The following RUBCN variants were observed in gnomAD, a reference collection of about 807,000 sequenced individuals.
RUBCN encodes run domain Beclin-1-interacting and cysteine-rich domain-containing protein.
Under a neutral mutation model 113.2 loss-of-function variants are expected in RUBCN, and 74 were observed. The observed-to-expected ratio is 0.65, with a 90% CI of 0.54 to 0.79. The LOEUF (loss-of-function observed/expected upper bound fraction) is 0.79, where lower values mean the gene tolerates loss of function less well. Among genes scored for constraint, RUBCN ranks in the 30% least tolerant of loss-of-function variants. The pLI, the probability that RUBCN is intolerant of heterozygous loss-of-function variation, is 0.00. For missense variants in RUBCN, 1,109 were observed against 1,251.7 expected, an observed-to-expected ratio of 0.89 and a Z score of 1.72; for synonymous variants, 480 against 490.0, an observed-to-expected ratio of 0.98 and a Z score of 0.27.
In RUBCN at chr3:197,671,840, A is replaced by C. The variant is rs1719820667; in HGVS notation, c.*3178T>G. 1 of 152,230 alleles carries C rather than the reference A, an allele frequency of 6.6e-6. No individual in the cohort carries two copies. The highest frequency in any genetic ancestry group is 2.1e-4 in the South Asian group (1 of 4,830). 9.4% of individuals were successfully genotyped at this position (152,230 alleles called of 1,614,324 possible). A position where few individuals can be genotyped will look rare whatever the true frequency, so the allele number is the denominator to read the frequency against. Reference sequence around the variant, plus strand: ...GTGGTTCGCTCGAGGTCTCATGGCAAGTTAGAGACACAGCCACTCCACCTC... The same window carrying C: ...GTGGTTCGCTCGAGGTCTCATGGCACGTTAGAGACACAGCCACTCCACCTC... On this transcript the variant is annotated 3_prime_UTR_variant, in exon 20 of 20. Coordinates refer to ENST00000296343, the MANE Select transcript of RUBCN (RefSeq NM_014687.4).
intron 8 of RUBCN, among the ~76,000 whole-genome samples, chr3:197,696,227 C>G (rs1037666144): frequency 1.3e-5 from 2 of 152,036 alleles, no homozygotes; most frequent in African/African-American, 4.8e-5. Flanking sequence ...CAAAAATTAG[C>G]TGGGCATGGT....
chr3:197,742,602 A>C (rs1053499091), intron 1 of RUBCN, among the ~76,000 whole-genome samples: 4 of 152,252 alleles, frequency 2.6e-5, no homozygotes, highest in African/African-American at 9.6e-5. Flanking sequence ...AGCTGCACAG[A>C]AGGGACCCTC....
intron 1 of RUBCN, among the ~76,000 whole-genome samples, chr3:197,745,406 G>A (rs62283408): frequency 1.7e-3 from 249 of 149,806 alleles, no homozygotes; most frequent in Non-Finnish European, 2.7e-3. Context: ...ACCTGAGGTC[G>A]GGAGTTCGAG....
At chr3:197,722,169 G>A (rs1420674705) in intron 1 of RUBCN, among the ~76,000 whole-genome samples, 1 of 151,948 alleles carries the variant, frequency 6.6e-6, no homozygotes, top group African/African-American at 2.4e-5. Flanking sequence ...CTTGAACCCA[G>A]GAGGCAAAGG....
Position 197,695,938 on chromosome 3 carries a change from T to G in RUBCN, c.1401A>C (p.Arg467Ser). 1 of 1,614,166 alleles carries G rather than the reference T, an allele frequency of 6.2e-7. No homozygotes were observed. The highest frequency in any genetic ancestry group is 8.5e-7 in the Non-Finnish European group (1 of 1,180,028). ...YLCSGEGMFR[R>S]PSEGQSLISY... Reference sequence around the variant, plus strand: ...TGATGAGGGACTGTCCTTCTGATGGTCTTCGGAACATGCCTTCCCCTGAGC... The same window carrying G: ...TGATGAGGGACTGTCCTTCTGATGGGCTTCGGAACATGCCTTCCCCTGAGC... Residue 467 changes from arginine (R) to serine (S), a missense_variant, in exon 9 of 20, where the codon AGA becomes AGC. Arg to Ser is a moderately radical substitution (Grantham distance 110). Transcript: ENST00000296343.
At chr3:197,729,508 C>T (rs950042530) in intron 1 of RUBCN, among the ~76,000 whole-genome samples, 1 of 152,170 alleles carries the variant, frequency 6.6e-6, no homozygotes, top group African/African-American at 2.4e-5. Flanking sequence ...CTGCCTCGGC[C>T]TCCCAAAGTG....
chr3:197,701,838 G>A lies in RUBCN; in HGVS notation c.597C>T (p.Leu199=). 2 of 1,614,214 alleles carry A rather than the reference G, an allele frequency of 1.2e-6. No individual in the cohort carries two copies. Among genetic ancestry groups the A allele is most frequent in the South Asian group, 1.1e-5 (1 of 91,086 alleles). Residue 199 remains leucine, a synonymous_variant, in exon 6 of 20, where the codon CTC becomes CTT. Coordinates refer to ENST00000296343, the MANE Select transcript of RUBCN (RefSeq NM_014687.4). ...TCAGGCTCTGGCTCTTTGTCACCAG[G>A]AGCGGGCTCTCGTGCTTTCTGGCAA... The part of the protein sequence containing the change: ...SMFARKHESP[L]LVTKSQSLTA...
At chr3:197,694,318 G>T in intron 10 of RUBCN, 57 bp downstream of exon 10, 1 of 1,464,288 alleles carries the variant, frequency 6.8e-7, no homozygotes, top group Non-Finnish European at 9.6e-7. Flanking sequence ...TGGGCACCAG[G>T]CCTTATGCTG....
chr3:197,694,043 C>T (rs1338070840), intron 10 of RUBCN: 2 of 527,452 alleles, frequency 3.8e-6, no homozygotes, highest in Non-Finnish European at 6.7e-6. Context: ...GGGAGCTATT[C>T]CTTTATTTAT....
At chr3:197,705,247 C>T in intron 2 of RUBCN, 72 bp from the exon 3 acceptor site, 1 of 1,381,868 alleles carries the variant, frequency 7.2e-7, no homozygotes, top group Non-Finnish European at 1.0e-6. Flanking sequence ...GGTTGGCATT[C>T]AAAGATAGGA....
chr3:197,723,566 C>CT (rs1726405065), intron 1 of RUBCN, among the ~76,000 whole-genome samples: 1 of 152,206 alleles, frequency 6.6e-6, no homozygotes, highest in African/African-American at 2.4e-5. Context: ...AAAACCTATA[C>CT]TTTAACTCCA....
At chr3:197,725,993 T>A (rs369015887) in intron 1 of RUBCN, among the ~76,000 whole-genome samples, 5 of 152,156 alleles carry the variant, frequency 3.3e-5, no homozygotes, top group East Asian at 3.9e-4. Flanking sequence ...TGCAGAGCTC[T>A]CCACCTGGAA....
intron 11 of RUBCN, among the ~76,000 whole-genome samples, chr3:197,686,463 A>G (rs1167333506): frequency 6.6e-6 from 1 of 152,098 alleles, no homozygotes; most frequent in Non-Finnish European, 1.5e-5. Flanking sequence ...AGAGAAGCAC[A>G]CTCGTCAAAG....
In RUBCN at chr3:197,717,682, T is replaced by C. The variant is rs138952023; in HGVS notation, c.219+295A>G. On this transcript the variant is annotated intron_variant, in intron 2 of 19. Transcript: ENST00000296343. ...AGAACTGTAAGATGATAAATCTGTG[T>C]TGTTTTAAGCCATTTAGTTTGTAGT... Among the ~76,000 whole-genome samples, 724 of 152,316 alleles carry C rather than the reference T, an allele frequency of 4.8e-3. 27 individuals are homozygous for C. Among genetic ancestry groups the C allele is most frequent in the Admixed American group, 0.044 (676 of 15,298 alleles).
At chr3:197,677,400 TA>T in intron 17 of RUBCN, 79 bp downstream of exon 17, 1 of 1,229,028 alleles carries the variant, frequency 8.1e-7, no homozygotes, top group Non-Finnish European at 1.2e-6. Context: ...CTTCGTTACA[TA>T]ACAAGAGCCA....
upstream of RUBCN, among the ~76,000 whole-genome samples, chr3:197,739,495 T>C (rs144177358): frequency 0.017 from 2,537 of 148,430 alleles, 30 homozygotes; most frequent in South Asian, 0.024. Flanking sequence ...AGATGGAGAC[T>C]ATCCTGGCTG....
chr3:197,681,057 G>T lies in RUBCN; in HGVS notation c.2430+72C>A. 1 of 790,814 alleles carries T rather than the reference G, an allele frequency of 1.3e-6. No individual in the cohort carries two copies. The highest frequency in any genetic ancestry group is 2.1e-6 in the Non-Finnish European group (1 of 476,406). 49.0% of individuals were successfully genotyped at this position (790,814 alleles called of 1,614,324 possible). A position where few individuals can be genotyped will look rare whatever the true frequency, so the allele number is the denominator to read the frequency against. On this transcript the variant is annotated intron_variant, in intron 16 of 19. Coordinates refer to ENST00000296343, the MANE Select transcript of RUBCN (RefSeq NM_014687.4). The surrounding 1 kb of genome is among the most constrained non-coding windows in gnomAD (Gnocchi z 5.5). Reference sequence around the variant, plus strand: ...AGGAGGGGATGGGGGGAGGGGACGGGGGAGGGACGAGGGGAGGGGATGAGG... The same window carrying T: ...AGGAGGGGATGGGGGGAGGGGACGGTGGAGGGACGAGGGGAGGGGATGAGG...
chr3:197,681,840 T>G lies in RUBCN; in HGVS notation c.2186A>C (p.Asp729Ala). 3.7e-6 allele frequency: 6 copies of G among 1,613,756 alleles called. No individual in the cohort carries two copies. The highest frequency in any genetic ancestry group is 5.1e-6 in the Non-Finnish European group (6 of 1,179,822). The change falls in exon 15 of 20, where the codon GAC (aspartate) becomes GCC (alanine). Residue 729 changes from aspartate (D) to alanine (A), a missense_variant. By Grantham distance (126) the Asp-to-Ala change is moderately radical. Around this residue, in one of 3 missense-constraint regions of RUBCN, gnomAD observed 306 missense variants for 348.9 expected, o/e 0.88. Transcript: ENST00000296343. This position sits in a 1 kb window ranked among gnomAD's most constrained non-coding sequence, Gnocchi z 5.5. ...TGGGAAGGGAAGGCACTCACCAGGG[T>G]CAGTCCGGATGCCACATCCTGCACA... is the stretch of plus-strand genomic sequence containing the variant. ...YRCAGCGIRTDPDYIKRLRYC... is the reference protein window; with the variant it reads ...YRCAGCGIRTAPDYIKRLRYC...
At chr3:197,730,018 T>A (rs531456125) in intron 1 of RUBCN, among the ~76,000 whole-genome samples, 1 of 152,152 alleles carries the variant, frequency 6.6e-6, no homozygotes, top group African/African-American at 2.4e-5. Context: ...TTCTGAAAAA[T>A]TAAACTAGTA....
Sources: gnomAD v4.1 joint callset for allele counts (sites outside exome capture counted in the v4.1 genomes callset) on GRCh38, gnomAD v4.1.1 for gene constraint, gnomAD v4.1.1 regional missense constraint, Gnocchi (gnomAD v3.1) non-coding constraint, MANE v1.5 for transcripts, NCBI Gene and HGNC (gene_info 2026-07-23, HGNC 2026-07-21) for gene names.